The following LYST variants were observed in gnomAD, a reference collection of about 807,000 sequenced individuals.
LYST encodes the protein lysosomal trafficking regulator.
A neutral mutation model predicts 413.6 loss-of-function variants in LYST; 192 were observed. The observed-to-expected ratio is 0.46, with a 90% CI of 0.41 to 0.52. The LOEUF (loss-of-function observed/expected upper bound fraction) is 0.52, where lower values mean the gene tolerates loss of function less well. Ranked by LOEUF, LYST falls within the 20% of genes least tolerant of loss-of-function variation. The probability of loss-of-function intolerance (pLI) is 0.00; values close to 1 mark genes in which losing one functional copy is unlikely to be tolerated. For missense variants in LYST, 3,815 were observed against 4,499.9 expected, an observed-to-expected ratio of 0.85 and a Z score of 4.35; for synonymous variants, 1,525 against 1,567.3, an observed-to-expected ratio of 0.97 and a Z score of 0.64.
Position 235,773,959 on chromosome 1 carries a change from A to G in LYST, c.5667T>C (p.Ile1889=), listed in dbSNP as rs1668963376. The part of the protein sequence containing the change: ...TLLEGCCGED[I]IYMNENGEFK... The stretch of plus-strand genomic sequence containing the variant: ...ACTCTCCATTCTCATTCATATAAAT[A>G]ATATCTTCACCACAGCATCCTTCAA... The change falls in exon 19 of 53, where the codon ATT becomes ATC. Residue 1889 remains isoleucine (I), a synonymous_variant. Transcript: ENST00000389793. 1 of 1,606,272 alleles carries G rather than the reference A, an allele frequency of 6.2e-7. No individual in the cohort carries two copies.
At chr1:235,767,362 G>A (rs535818126) in intron 20 of LYST, among the ~76,000 whole-genome samples, 1 of 152,136 alleles carries the variant, frequency 6.6e-6, no homozygotes, top group South Asian at 2.1e-4. Flanking sequence ...ATTTAAGAAG[G>A]GAACACTGAG....
In LYST at chr1:235,751,294, G is replaced by A. The variant is rs978250091; in HGVS notation, c.7696C>T (p.His2566Tyr). ...AMEFIRTTANHDSENLTDSLQ... is the reference protein window; with the variant it reads ...AMEFIRTTANYDSENLTDSLQ... ...GAATCTGTGAGGTTTTCAGAGTCAT[G>A]ATTTGCGGTGGTCCTTATAAATTCC... The change falls in exon 28 of 53, where the codon CAT becomes TAT. Residue 2566 changes from histidine to tyrosine, a missense_variant. Coordinates refer to ENST00000389793, the MANE Select transcript of LYST (RefSeq NM_000081.4). The A allele has an allele frequency of 6.2e-7, 1 of 1,613,554 alleles. No individual in the cohort carries two copies. The highest frequency in any genetic ancestry group is 1.3e-5 in the African/African-American group (1 of 75,034).
chr1:235,817,993 GTGA>G (rs1674356964), intron 3 of LYST, among the ~76,000 whole-genome samples: 1 of 152,102 alleles, frequency 6.6e-6, no homozygotes. Flanking sequence ...AATATTTTCT[GTGA>G]TGATTTTTTG....
At chr1:235,847,251 C>T (rs1677987893) in intron 1 of LYST, among the ~76,000 whole-genome samples, 1 of 152,094 alleles carries the variant, frequency 6.6e-6, no homozygotes, top group African/African-American at 2.4e-5. Flanking sequence ...CAATTATCAG[C>T]CAAGAATTTT....
In LYST at chr1:235,857,768, CACACACACACACACACATAT is replaced by C. The variant is rs1169949537; in HGVS notation, c.-98+9055_-98+9074del. 1.3e-3 allele frequency among the ~76,000 whole-genome samples: 187 copies of C among 139,430 alleles called. 2 individuals are homozygous for C. The highest frequency in any genetic ancestry group is 2.1e-3 in the Non-Finnish European group (137 of 64,262). The allele number at this position is 139,430 out of a possible 152,430, so 91.5% of individuals were successfully genotyped here. A position where few individuals can be genotyped will look rare whatever the true frequency, so the allele number is the denominator to read the frequency against. On this transcript the variant is annotated intron_variant, in intron 1 of 52. Coordinates refer to ENST00000389793, the MANE Select transcript of LYST (RefSeq NM_000081.4). ...ACACACACACACACACACACACACA[CACACACACACACACACATAT>C]ATATATAAAATTTCACAAGCCAAGA...
At chr1:235,778,309 A>G (rs775243053) in intron 16 of LYST, among the ~76,000 whole-genome samples, 1 of 151,560 alleles carries the variant, frequency 6.6e-6, no homozygotes, top group Admixed American at 6.6e-5. Context: ...GGGAAATCAT[A>G]TAGATTCAGT....
chr1:235,860,869 C>T (rs1476849320), intron 1 of LYST, among the ~76,000 whole-genome samples: 1 of 152,128 alleles, frequency 6.6e-6, no homozygotes, highest in Non-Finnish European at 1.5e-5. Context: ...TAACTTATCT[C>T]CAGGCCAGCA....
In LYST at chr1:235,689,295, C is replaced by CA. The variant is rs549149695; in HGVS notation, c.10702-2249dup. ...TGCAATGTTTAAATTCTTTTATATA[C>CA]ATGAAATATTATTCAGCCTTTAAAA... On this transcript the variant is annotated intron_variant, in intron 47 of 52. Transcript: ENST00000389793. Among the ~76,000 whole-genome samples, 233 of 152,122 alleles carry CA rather than the reference C, an allele frequency of 1.5e-3. 1 individual carries two copies. The highest frequency in any genetic ancestry group is 5.5e-3 in the African/African-American group (227 of 41,490).
At chr1:235,866,305 C>A (rs1488892884) in intron 1 of LYST, among the ~76,000 whole-genome samples, 1 of 152,128 alleles carries the variant, frequency 6.6e-6, no homozygotes, top group Non-Finnish European at 1.5e-5. Context: ...GAGGAAAGAG[C>A]GGACCGAGGC....
In LYST at chr1:235,664,699, C is replaced by A. The variant is rs1035472809; in HGVS notation, c.11039-78G>T. On this transcript the variant is annotated intron_variant, in intron 50 of 52. Coordinates refer to ENST00000389793, the MANE Select transcript of LYST (RefSeq NM_000081.4). The surrounding 1 kb of genome is among the most constrained non-coding windows in gnomAD (Gnocchi z 4.5). ...CCACATTTGGCCCCAGAAGGGCAAC[C>A]CTGAAGGGCAAGCTCATTTGTTTAT... 3 of 1,299,952 alleles carry A rather than the reference C, an allele frequency of 2.3e-6. No homozygotes were observed. The highest frequency in any genetic ancestry group is 3.3e-6 in the Non-Finnish European group (3 of 898,874). 80.5% of individuals were successfully genotyped at this position (1,299,952 alleles called of 1,614,324 possible). A position where few individuals can be genotyped will look rare whatever the true frequency, so the allele number is the denominator to read the frequency against.
chr1:235,685,808 T>G (rs1299023254), intron 48 of LYST, among the ~76,000 whole-genome samples: 1 of 150,392 alleles, frequency 6.6e-6, no homozygotes, highest in Admixed American at 6.6e-5. Context: ...ATCACACCAT[T>G]GCACTCTGGC....
intron 47 of LYST, among the ~76,000 whole-genome samples, chr1:235,690,406 C>G (rs1196825770): frequency 6.6e-6 from 1 of 152,058 alleles, no homozygotes; most frequent in Non-Finnish European, 1.5e-5. Flanking sequence ...TTTAGTTATA[C>G]TACAAGCTTT....
intron 27 of LYST, 47 bp from the exon 28 acceptor site, chr1:235,751,409 A>AT: frequency 6.6e-7 from 1 of 1,515,176 alleles, no homozygotes; most frequent in Non-Finnish European, 9.1e-7. Flanking sequence ...GTGGTTACTA[A>AT]TTTTTTAATT....
At position 235,787,336 on chromosome 1, in the gene LYST, A is replaced by C; in HGVS notation, c.4726T>G (p.Leu1576Val). The change falls in exon 14 of 53, where the codon TTA becomes GTA. Residue 1576 changes from leucine (L) to valine (V), a missense_variant. Transcript: ENST00000389793. ...TCCTGTGATTCAACCTGTGCTAGTA[A>C]AACAGCTTTCATGTCATCATTTGAA... Reference protein sequence around the residue: ...MDSNDDMKAVLLAQVESQENI... With the variant: ...MDSNDDMKAVVLAQVESQENI... 2 of 1,613,878 alleles carry C rather than the reference A, an allele frequency of 1.2e-6. No individual in the cohort carries two copies. Among genetic ancestry groups the C allele is most frequent in the Non-Finnish European group, 1.7e-6 (2 of 1,179,846 alleles).
chr1:235,678,380 G>A (rs1172104892), intron 48 of LYST, among the ~76,000 whole-genome samples: 1 of 152,094 alleles, frequency 6.6e-6, no homozygotes, highest in Non-Finnish European at 1.5e-5. Flanking sequence ...CATGCAAATT[G>A]GTGATGTTAC....
Position 235,746,477 on chromosome 1 carries a change from G to A in LYST, c.7831C>T (p.Arg2611Cys), listed in dbSNP as rs1572133567. 4 of 1,613,598 alleles carry A rather than the reference G, an allele frequency of 2.5e-6. No homozygotes were observed. The highest frequency in any genetic ancestry group is 2.2e-5 in the East Asian group (1 of 44,876). The change falls in exon 29 of 53, where the codon CGT (arginine) becomes TGT (cysteine). Residue 2611 changes from arginine to cysteine, a missense_variant. Transcript: ENST00000389793. ...TGAAGCTCATCATTTGCCACTGAAC[G>A]CATTTTCATCAGAAGCGATTCAGTT... The part of the protein sequence containing the change: ...AQTESLLMKM[R>C]SVANDELHVM...
At chr1:235,702,610 C>T (rs1404309405) in intron 45 of LYST, 137 bp downstream of exon 45, 14 of 752,996 alleles carry the variant, frequency 1.9e-5, no homozygotes, top group Admixed American at 7.9e-5. Context: ...ATTCTGCTTT[C>T]GCTGCTGCAC....
In LYST at chr1:235,800,930, C is replaced by G. The variant is rs1454824037; in HGVS notation, c.3880G>C (p.Glu1294Gln). The G allele has an allele frequency of 6.2e-7, 1 of 1,613,642 alleles. No individual in the cohort carries two copies. Among genetic ancestry groups the G allele is most frequent in the South Asian group, 1.1e-5 (1 of 91,066 alleles). ...TGCCTAATAATTTTCAAAAAACTCT[C>G]AAATACATGGGCAAGCACATCAAGT... is the stretch of plus-strand genomic sequence containing the variant. ...AKLDVLAHVF[E>Q]SFLKIIRQKE... The change falls in exon 9 of 53, where the codon GAG becomes CAG. Residue 1294 changes from glutamate to glutamine, a missense_variant. By Grantham distance (29) the Glu-to-Gln change is conservative. Around this residue, in one of 4 missense-constraint regions of LYST, gnomAD observed 1,648 missense variants for 1,810.3 expected, o/e 0.91. Transcript: ENST00000389793.
intron 4 of LYST, among the ~76,000 whole-genome samples, chr1:235,811,146 AAAC>A (rs1027322348): frequency 1.3e-5 from 2 of 152,178 alleles, no homozygotes; most frequent in East Asian, 1.9e-4. Context: ...CTCTGTCTCA[AAAC>A]AACAACAACA....
Sources: allele counts gnomAD v4.1 joint callset (sites outside exome capture counted in the v4.1 genomes callset), GRCh38; gene constraint gnomAD v4.1.1; regional missense constraint gnomAD v4.1.1; non-coding constraint Gnocchi (gnomAD v3.1); transcripts MANE v1.5; gene names NCBI Gene and HGNC (gene_info 2026-07-23, HGNC 2026-07-21).